Variants in SOX5 observed in about 807,000 individuals in gnomAD.
SOX5 encodes transcription factor SOX-5.
In SOX5, 9 loss-of-function variants were observed where a neutral mutation model predicts 92.0. That is an observed-to-expected ratio of 0.10 (90% CI 0.06 to 0.17). The LOEUF (loss-of-function observed/expected upper bound fraction) is 0.17. Among genes scored for constraint, SOX5 ranks in the 10% least tolerant of loss-of-function variants. SOX5 has a pLI of 1.00. For missense variants in SOX5, 642 were observed against 944.5 expected, an observed-to-expected ratio of 0.68 and a Z score of 4.20; for synonymous variants, 344 against 336.3, an observed-to-expected ratio of 1.02 and a Z score of -0.25.
At chr12:24,371,337 T>C (rs774548950) in intron 1 of SOX5, among the ~76,000 whole-genome samples, 12 of 144,688 alleles carry the variant, frequency 8.3e-5, no homozygotes, top group Non-Finnish European at 1.9e-4. Context: ...CGGAGACAGA[T>C]TTTTCCCCCC....
At chr12:23,584,004 G>A (rs1231906808) in intron 9 of SOX5, among the ~76,000 whole-genome samples, 1 of 152,092 alleles carries the variant, frequency 6.6e-6, no homozygotes, top group African/African-American at 2.4e-5. Context: ...TAGAAGTCAT[G>A]CTGATCAAAT....
chr12:24,504,734 C>T (rs368253452), intron 1 of SOX5, among the ~76,000 whole-genome samples: 232 of 152,176 alleles, frequency 1.5e-3, no homozygotes, highest in African/African-American at 5.5e-3. Flanking sequence ...AATTCTAGTT[C>T]CTTTTTCTTT....
At chr12:23,839,095 C>T (rs1302765743) in intron 3 of SOX5, among the ~76,000 whole-genome samples, 3 of 151,722 alleles carry the variant, frequency 2.0e-5, no homozygotes, top group South Asian at 4.2e-4. Context: ...GTGATCTGCC[C>T]GCCTTGGCCT....
intron 1 of SOX5, among the ~76,000 whole-genome samples, chr12:24,427,393 C>T (rs149121580): frequency 5.9e-5 from 9 of 152,216 alleles, no homozygotes; most frequent in African/African-American, 2.2e-4. Context: ...TTTCTTTAAA[C>T]CTAGTTGAGG....
chr12:23,850,434 A>T lies in SOX5; in HGVS notation c.271-4241T>A, dbSNP rs1178023644. On this transcript the variant is annotated intron_variant, in intron 2 of 14. Transcript: ENST00000451604. ...CAGAGTGAGACTCTGTCTACAAAAA[A>T]AAAATAAATAAATAAATAAAAAAAA... is the stretch of plus-strand genomic sequence containing the variant. 2.1e-4 allele frequency among the ~76,000 whole-genome samples: 24 copies of T among 113,960 alleles called. No homozygotes were observed. In the South Asian group the frequency reaches 2.4e-3, roughly 11 times the overall value. The allele number at this position is 113,960 out of a possible 152,430, so 74.8% of individuals were successfully genotyped here.
At chr12:24,339,762 G>A (rs1028042535) in intron 2 of SOX5, among the ~76,000 whole-genome samples, 1 of 152,366 alleles carries the variant, frequency 6.6e-6, no homozygotes, top group South Asian at 2.1e-4. Context: ...GTAATCAGAT[G>A]TAGGAGGTTC....
In SOX5 at chr12:24,427,226, T is replaced by A. The variant is rs372275237; in HGVS notation, c.-250-58587A>T. 2.6e-4 allele frequency among the ~76,000 whole-genome samples: 40 copies of A among 152,324 alleles called. 2 individuals carry two copies. The South Asian group carries it at 6.4e-3, about 24-fold the overall frequency. ...TCTATCTGGCATGAAAAGTTTCTGC[T>A]TATGCCTTTTCTATATAAGAAACAG... On this transcript the variant is annotated intron_variant, in intron 1 of 4. Coordinates refer to the SOX5 transcript ENST00000446891.
intron 1 of SOX5, among the ~76,000 whole-genome samples, chr12:23,917,027 T>C (rs1480354452): frequency 6.6e-6 from 1 of 152,210 alleles, no homozygotes; most frequent in Non-Finnish European, 1.5e-5. Context: ...TGTATTTATA[T>C]TATGTGGTTT....
chr12:24,528,787 C>A (rs1950933675), intron 1 of SOX5, among the ~76,000 whole-genome samples: 1 of 152,126 alleles, frequency 6.6e-6, no homozygotes, highest in Non-Finnish European at 1.5e-5. Flanking sequence ...AATAGTGTCC[C>A]AGTTCTAAAA....
At position 24,333,382 on chromosome 12, in the gene SOX5, T is replaced by C. The variant is rs193039583; in HGVS notation, c.-174+35181A>G. Among the ~76,000 whole-genome samples, 399 of 152,216 alleles carry C rather than the reference T, an allele frequency of 2.6e-3. 1 individual carries two copies. The highest frequency in any genetic ancestry group is 9.3e-3 in the African/African-American group (388 of 41,576). On this transcript the variant is annotated intron_variant, in intron 2 of 4. Coordinates refer to the SOX5 transcript ENST00000446891. ...CTGATCAAAGAGGCAGCAAGATTAC[T>C]ATGTAGACCAAGCTCATGTATGAAT...
chr12:23,538,671 G>A (rs1941175790), intron 13 of SOX5, among the ~76,000 whole-genome samples: 1 of 152,188 alleles, frequency 6.6e-6, no homozygotes, highest in African/African-American at 2.4e-5. Context: ...ATCAGGGAGT[G>A]GAAAGTGAGC....
intron 2 of SOX5, among the ~76,000 whole-genome samples, chr12:24,304,294 C>T (rs1174890421): frequency 2.0e-5 from 3 of 151,896 alleles, no homozygotes; most frequent in Non-Finnish European, 4.4e-5. Context: ...TTTAGAATAT[C>T]GGATATGTTG....
intron 3 of SOX5, among the ~76,000 whole-genome samples, chr12:24,266,819 A>C (rs1223773853): frequency 1.3e-5 from 2 of 152,224 alleles, no homozygotes; most frequent in African/African-American, 2.4e-5. Context: ...TTATCATTTA[A>C]GATGCAAAGA....
At chr12:23,768,406 C>T (rs1382054234) in intron 3 of SOX5, among the ~76,000 whole-genome samples, 1 of 152,066 alleles carries the variant, frequency 6.6e-6, no homozygotes, top group African/African-American at 2.4e-5. Flanking sequence ...TGTCTCAGCC[C>T]AACAGGGTCT....
intron 5 of SOX5, among the ~76,000 whole-genome samples, chr12:23,736,793 T>C (rs2093615012): frequency 6.6e-6 from 1 of 151,222 alleles, no homozygotes; most frequent in South Asian, 2.1e-4. Context: ...TGAGTTCAAA[T>C]GATTCATCTG....
intron 1 of SOX5, among the ~76,000 whole-genome samples, chr12:24,493,865 A>G (rs78676849): frequency 8.5e-6 from 1 of 118,270 alleles, no homozygotes; most frequent in Non-Finnish European, 1.9e-5. Flanking sequence ...CTCCATCTCA[A>G]AAAAAAAAAA....
At chr12:23,755,773 A>G in intron 3 of SOX5, 49 bp from the exon 4 acceptor site, 1 of 1,207,786 alleles carries the variant, frequency 8.3e-7, no homozygotes, top group Non-Finnish European at 1.2e-6. Context: ...CTCTCCTTAC[A>G]ATGGAGCTCA....
In SOX5 at chr12:23,867,076, A is replaced by G. The variant is rs935597504; in HGVS notation, c.271-20883T>C. On this transcript the variant is annotated intron_variant, in intron 2 of 14. Transcript: ENST00000451604. Reference sequence around the variant, plus strand: ...AAAACTTCAAGCTTTAAAACATGGCATAGGTTTACTTCCTTGGGGAATTAT... The same window carrying G: ...AAAACTTCAAGCTTTAAAACATGGCGTAGGTTTACTTCCTTGGGGAATTAT... Among the ~76,000 whole-genome samples, 23 of 140,530 alleles carry G rather than the reference A, an allele frequency of 1.6e-4. 1 individual carries two copies. Among genetic ancestry groups the G allele is most frequent in the African/African-American group, 5.7e-4 (23 of 40,664 alleles). The allele number at this position is 140,530 out of a possible 152,430, so 92.2% of individuals were successfully genotyped here. A position where few individuals can be genotyped will look rare whatever the true frequency, so the allele number is the denominator to read the frequency against.
chr12:23,754,371 A>T (rs954898405), intron 4 of SOX5, among the ~76,000 whole-genome samples: 1 of 151,848 alleles, frequency 6.6e-6, no homozygotes, highest in Non-Finnish European at 1.5e-5. Context: ...AAAATCCATC[A>T]AAATAATATC....
Sources: gnomAD v4.1 joint callset for allele counts (sites outside exome capture counted in the v4.1 genomes callset) on GRCh38, gnomAD v4.1.1 for gene constraint, MANE v1.5 for transcripts, NCBI Gene and HGNC (gene_info 2026-07-23, HGNC 2026-07-21) for gene names.